The following ST6GALNAC1 variants were observed in gnomAD, a reference collection of about 807,000 sequenced individuals.
ST6GALNAC1 encodes alpha-N-acetylgalactosaminide alpha-2,6-sialyltransferase 1.
A neutral mutation model predicts 56.8 loss-of-function variants in ST6GALNAC1; 45 were observed. The observed-to-expected ratio is 0.79, with a 90% CI of 0.62 to 1.02. The LOEUF (loss-of-function observed/expected upper bound fraction) is 1.02. Ranked by LOEUF, ST6GALNAC1 falls within the 50% of genes least tolerant of loss-of-function variation. ST6GALNAC1 has a pLI of 0.00. For missense variants in ST6GALNAC1, 743 were observed against 754.8 expected, an observed-to-expected ratio of 0.98 and a Z score of 0.18; for synonymous variants, 295 against 297.8, an observed-to-expected ratio of 0.99 and a Z score of 0.10.
At chr17:76,641,603 T>C (rs1449156783) in intron 1 of ST6GALNAC1, among the ~76,000 whole-genome samples, 1 of 152,176 alleles carries the variant, frequency 6.6e-6, no homozygotes, top group Non-Finnish European at 1.5e-5. Context: ...TGAAAGCCAG[T>C]GTGGTCCTGG....
intron 1 of ST6GALNAC1, among the ~76,000 whole-genome samples, chr17:76,636,646 G>C (rs1196860317): frequency 6.6e-6 from 1 of 150,694 alleles, no homozygotes; most frequent in Non-Finnish European, 1.5e-5. Context: ...CTCCCCGTCC[G>C]GGAGGTGGGG....
chr17:76,621,117 A>C (rs937829583), downstream of ST6GALNAC1, among the ~76,000 whole-genome samples: 2 of 152,152 alleles, frequency 1.3e-5, no homozygotes, highest in African/African-American at 4.8e-5. Flanking sequence ...ATTTGTCCAA[A>C]GAAGACAAAA....
At position 76,626,934 on chromosome 17, in the gene ST6GALNAC1, T is replaced by G. The variant is rs554492305; in HGVS notation, c.1172+133A>C. ...GAGCCCAGGAATTCCACCTTCCAGA[T>G]GCAGGCGTGGAACATCCTATGGGTC... On this transcript the variant is annotated intron_variant, in intron 4 of 8. Transcript: ENST00000156626. The G allele has an allele frequency of 1.4e-4, 204 of 1,456,648 alleles. 1 individual carries two copies. In the East Asian group the frequency reaches 4.3e-3, roughly 30 times the overall value. The allele number at this position is 1,456,648 out of a possible 1,614,324, so 90.2% of individuals were successfully genotyped here. A position where few individuals can be genotyped will look rare whatever the true frequency, so the allele number is the denominator to read the frequency against.
intron 1 of ST6GALNAC1, among the ~76,000 whole-genome samples, chr17:76,636,133 TCTA>T (rs1460861527): frequency 1.5e-4 from 23 of 152,304 alleles, no homozygotes; most frequent in African/African-American, 5.5e-4. Flanking sequence ...CTTCAAAGAA[TCTA>T]CTGTTAGTAC....
Position 76,627,292 on chromosome 17 carries a change from G to T in ST6GALNAC1, c.1001-54C>A. ...AGAGCCCTGGGAGGGACAGGAGTCCGACCCATCATTCCTCCCAGGTCTGGC... is the reference window on the plus strand; with the variant it reads ...AGAGCCCTGGGAGGGACAGGAGTCCTACCCATCATTCCTCCCAGGTCTGGC... On this transcript the variant is annotated intron_variant, in intron 3 of 8. Coordinates refer to ENST00000156626, the MANE Select transcript of ST6GALNAC1 (RefSeq NM_018414.5). The surrounding 1 kb of genome is among the most constrained non-coding windows in gnomAD (Gnocchi z 4.4). The T allele has an allele frequency of 3.2e-6, 5 of 1,554,456 alleles. No individual in the cohort carries two copies. The highest frequency in any genetic ancestry group is 4.4e-6 in the Non-Finnish European group (5 of 1,149,322).
Position 76,627,408 on chromosome 17 carries a change from G to T in ST6GALNAC1, c.1000+7C>A. ...CACCCACACCTTCCCCTGGGTTAAG[G>T]ACTCACAGGAGTAGTTGAGCTCCAT... On this transcript the variant is annotated splice_region_variant and intron_variant, in intron 3 of 8. Transcript: ENST00000156626. The surrounding 1 kb of genome is among the most constrained non-coding windows in gnomAD (Gnocchi z 4.4). The T allele has an allele frequency of 1.2e-6, 2 of 1,614,036 alleles. No homozygotes were observed. The highest frequency in any genetic ancestry group is 1.7e-6 in the Non-Finnish European group (2 of 1,179,996).
chr17:76,629,746 G>T, intron 1 of ST6GALNAC1, 35 bp from the exon 2 acceptor site: 1 of 1,448,456 alleles, frequency 6.9e-7, no homozygotes, highest in Non-Finnish European at 9.6e-7. Context: ...GAAGGCTGAA[G>T]ATTGTGGAAA....
chr17:76,641,233 A>G (rs1192994574), intron 1 of ST6GALNAC1, among the ~76,000 whole-genome samples: 1 of 152,216 alleles, frequency 6.6e-6, no homozygotes, highest in Non-Finnish European at 1.5e-5. Context: ...CTTAAAAGGT[A>G]ACCTGACGCT....
chr17:76,627,103 A>T lies in ST6GALNAC1; in HGVS notation c.1136T>A (p.Met379Lys). 1 of 1,577,940 alleles carries T rather than the reference A, an allele frequency of 6.3e-7. No individual in the cohort carries two copies. The highest frequency in any genetic ancestry group is 1.8e-5 in the Admixed American group (1 of 54,664). Residue 379 changes from methionine (M) to lysine (K), a missense_variant, in exon 4 of 9, where the codon ATG becomes AAG. Physicochemically the swap from Met to Lys is moderately conservative, Grantham distance 95 (BLOSUM62 -1). Transcript: ENST00000156626. This position sits in a 1 kb window ranked among gnomAD's most constrained non-coding sequence, Gnocchi z 4.4. ...GTCGTGACTGTCTATCTCCTGGCCCATGTGGGAGTTGTTCAGGATGCCCCC... is the reference window on the plus strand; with the variant it reads ...GTCGTGACTGTCTATCTCCTGGCCCTTGTGGGAGTTGTTCAGGATGCCCCC... Reference protein sequence around the residue: ...GNGGILNNSHMGQEIDSHDYV... With the variant: ...GNGGILNNSHKGQEIDSHDYV...
At chr17:76,618,568 A>G in the ST6GALNAC1 span, among the ~76,000 whole-genome samples, 1 of 152,094 alleles carries the variant, frequency 6.6e-6, no homozygotes, top group Non-Finnish European at 1.5e-5. Flanking sequence ...ACTTGAGCCC[A>G]GGAGTTCAAG....
At chr17:76,630,216 A>C (rs1390506783) in intron 1 of ST6GALNAC1, among the ~76,000 whole-genome samples, 1 of 152,234 alleles carries the variant, frequency 6.6e-6, no homozygotes, top group Non-Finnish European at 1.5e-5. Context: ...CACTGGGAAT[A>C]CAAATTGGAA....
chr17:76,639,946 G>C (rs867886734), intron 1 of ST6GALNAC1, among the ~76,000 whole-genome samples: 10 of 152,008 alleles, frequency 6.6e-5, no homozygotes, highest in Middle Eastern at 3.2e-3. Flanking sequence ...GTGGGGCTAG[G>C]GGGTCCCTGC....
intron 1 of ST6GALNAC1, among the ~76,000 whole-genome samples, chr17:76,634,877 C>A (rs1454559278): frequency 6.6e-6 from 1 of 152,120 alleles, no homozygotes; most frequent in Non-Finnish European, 1.5e-5. Context: ...CAGCAAGACT[C>A]TGTCTCAAAA....
intron 1 of ST6GALNAC1, among the ~76,000 whole-genome samples, chr17:76,638,041 G>A (rs1251559653): frequency 6.6e-6 from 1 of 151,624 alleles, no homozygotes; most frequent in Non-Finnish European, 1.5e-5. Flanking sequence ...TGCTGGCCAG[G>A]CTGGAGAACA....
Position 76,629,515 on chromosome 17 carries a change from C to A in ST6GALNAC1, c.328G>T (p.Glu110Ter). 6.2e-7 allele frequency: 1 copy of A among 1,614,050 alleles called. No individual in the cohort carries two copies. Among genetic ancestry groups the A allele is most frequent in the Non-Finnish European group, 8.5e-7 (1 of 1,180,010 alleles). The change falls in exon 2 of 9, where the codon GAG becomes TAG. Residue 110 changes from glutamate (E) to a stop codon, truncating the protein, a stop_gained. Coordinates refer to ENST00000156626, the MANE Select transcript of ST6GALNAC1 (RefSeq NM_018414.5). LOFTEE classifies it high-confidence loss of function. ...RGKEANQAPP[E>*]EQDKVPHTAQ... Reference sequence around the variant, plus strand: ...GTGTGGGGCACCTTGTCCTGCTCCTCCGGCGGTGCCTGGTTGGCCTCCTTT... The same window carrying A: ...GTGTGGGGCACCTTGTCCTGCTCCTACGGCGGTGCCTGGTTGGCCTCCTTT...
intron 5 of ST6GALNAC1, 65 bp from the exon 6 acceptor site, chr17:76,626,457 C>T (rs2075799824): frequency 6.4e-7 from 1 of 1,555,918 alleles, no homozygotes; most frequent in Non-Finnish European, 8.9e-7. Context: ...GAGGGTGGCC[C>T]AGCTCTGACT....
intron 4 of ST6GALNAC1, 92 bp downstream of exon 4, chr17:76,626,975 T>C: frequency 1.4e-6 from 2 of 1,435,544 alleles, no homozygotes; most frequent in Non-Finnish European, 1.9e-6. Context: ...GAAGAGTCCA[T>C]GTCTGCAGAA....
chr17:76,627,297 A>G lies in ST6GALNAC1; in HGVS notation c.1001-59T>C, dbSNP rs2075817118. On this transcript the variant is annotated intron_variant, in intron 3 of 8. Coordinates refer to ENST00000156626, the MANE Select transcript of ST6GALNAC1 (RefSeq NM_018414.5). This position sits in a 1 kb window ranked among gnomAD's most constrained non-coding sequence, Gnocchi z 4.4. ...CCTGGGAGGGACAGGAGTCCGACCC[A>G]TCATTCCTCCCAGGTCTGGCAAACC... The G allele has an allele frequency of 1.3e-6, 2 of 1,556,346 alleles. No homozygotes were observed. Among genetic ancestry groups the G allele is most frequent in the Non-Finnish European group, 1.7e-6 (2 of 1,150,348 alleles).
Position 76,627,128 on chromosome 17 carries a change from C to A in ST6GALNAC1, c.1111G>T (p.Gly371Trp). ...RCITCAVVGN[G>W]GILNNSHMGQ... is the part of the protein sequence containing the mutation. The stretch of plus-strand genomic sequence containing the variant: ...ATGTGGGAGTTGTTCAGGATGCCCC[C>A]GTTGCCCACCACGGCACAGGTGATG... Residue 371 changes from glycine (G) to tryptophan (W), a missense_variant, in exon 4 of 9, where the codon GGG becomes TGG. Physicochemically the swap from Gly to Trp is radical, Grantham distance 184 (BLOSUM62 -2). Transcript: ENST00000156626. This position sits in a 1 kb window ranked among gnomAD's most constrained non-coding sequence, Gnocchi z 4.4. 1 of 1,597,806 alleles carries A rather than the reference C, an allele frequency of 6.3e-7. No individual in the cohort carries two copies. Among genetic ancestry groups the A allele is most frequent in the Non-Finnish European group, 8.5e-7 (1 of 1,171,740 alleles).
Sources: allele counts gnomAD v4.1 joint callset (sites outside exome capture counted in the v4.1 genomes callset), GRCh38; gene constraint gnomAD v4.1.1; non-coding constraint Gnocchi (gnomAD v3.1); transcripts MANE v1.5; gene names NCBI Gene and HGNC (gene_info 2026-07-23, HGNC 2026-07-21).